CMSS1: variants seen among roughly 807,000 people sequenced by gnomAD.
The protein encoded by CMSS1 is cms1 ribosomal small subunit homolog, also known as protein CMSS1.
CMSS1 carries 33 observed loss-of-function variants against 43.5 expected under a neutral mutation model. That is an observed-to-expected ratio of 0.76 (90% CI 0.57 to 1.01). The LOEUF (loss-of-function observed/expected upper bound fraction) is 1.01, where lower values mean the gene tolerates loss of function less well. Ranked by LOEUF, CMSS1 falls within the 50% of genes least tolerant of loss-of-function variation. The pLI is 0.00. For synonymous variants in CMSS1, 115 were observed against 117.2 expected, an observed-to-expected ratio of 0.98 and a Z score of 0.12; for missense variants, 313 against 326.4, an observed-to-expected ratio of 0.96 and a Z score of 0.32.
intron 1 of CMSS1, among the ~76,000 whole-genome samples, chr3:99,869,844 TGA>T (rs1410597148): frequency 6.6e-6 from 1 of 152,202 alleles, no homozygotes; most frequent in African/African-American, 2.4e-5. Flanking sequence ...TGGTGGGCCA[TGA>T]GACACAATAA....
chr3:99,970,993 G>A (rs1182416909), intron 1 of CMSS1, among the ~76,000 whole-genome samples: 1 of 152,188 alleles, frequency 6.6e-6, no homozygotes, highest in Non-Finnish European at 1.5e-5. Context: ...AGGAGGGGCT[G>A]TATTCACAAG....
chr3:99,937,240 G>T (rs1707708082), intron 1 of CMSS1, among the ~76,000 whole-genome samples: 1 of 152,018 alleles, frequency 6.6e-6, no homozygotes, highest in African/African-American at 2.4e-5. Flanking sequence ...GCCCAGCCTA[G>T]CTTATTTTCA....
At chr3:99,984,936 A>C (rs944178711) in intron 1 of CMSS1, among the ~76,000 whole-genome samples, 1 of 152,218 alleles carries the variant, frequency 6.6e-6, no homozygotes, top group Non-Finnish European at 1.5e-5. Flanking sequence ...CCCAGGTTAA[A>C]TAAACTGAGG....
intron 1 of CMSS1, among the ~76,000 whole-genome samples, chr3:99,867,639 C>T (rs1944586730): frequency 6.6e-6 from 1 of 152,104 alleles, no homozygotes; most frequent in African/African-American, 2.4e-5. Flanking sequence ...AAGAGCAGTG[C>T]AATTTTGTCT....
intron 1 of CMSS1, among the ~76,000 whole-genome samples, chr3:100,090,906 A>G (rs939271321): frequency 1.3e-5 from 2 of 152,180 alleles, no homozygotes; most frequent in East Asian, 3.9e-4. Context: ...AAAACTTGAA[A>G]TGAGTGCAGA....
chr3:100,164,767 T>A (rs1404025502), intron 4 of CMSS1, among the ~76,000 whole-genome samples: 1 of 152,120 alleles, frequency 6.6e-6, no homozygotes, highest in African/African-American at 2.4e-5. Flanking sequence ...TCCCCTTATA[T>A]ATACACATAT....
intron 1 of CMSS1, among the ~76,000 whole-genome samples, chr3:99,922,058 C>T (rs951007323): frequency 3.9e-5 from 6 of 152,222 alleles, no homozygotes; most frequent in Non-Finnish European, 7.3e-5. Flanking sequence ...CACATTCCCA[C>T]CATAAATCTG....
intron 1 of CMSS1, among the ~76,000 whole-genome samples, chr3:100,097,577 T>C (rs1455795780): frequency 6.6e-6 from 1 of 152,212 alleles, no homozygotes. Context: ...TACAAGCCTA[T>C]ATATATACAT....
At chr3:100,054,876 G>A (rs545555710) in intron 1 of CMSS1, among the ~76,000 whole-genome samples, 9 of 152,170 alleles carry the variant, frequency 5.9e-5, no homozygotes, top group Admixed American at 1.3e-4. Flanking sequence ...GAAGTATGAG[G>A]TCATTTCAAA....
chr3:99,821,140 A>C (rs909257445), intron 1 of CMSS1, among the ~76,000 whole-genome samples: 4 of 152,212 alleles, frequency 2.6e-5, no homozygotes, highest in Non-Finnish European at 5.9e-5. Context: ...GGTATGTAAC[A>C]AAGTTTTCAT....
At chr3:100,044,888 C>G (rs2065255616) in intron 1 of CMSS1, among the ~76,000 whole-genome samples, 1 of 152,158 alleles carries the variant, frequency 6.6e-6, no homozygotes. Context: ...TAGTGGCTCT[C>G]TGCTTTGGTG....
intron 1 of CMSS1, among the ~76,000 whole-genome samples, chr3:99,983,962 G>T (rs1559714009): frequency 6.6e-6 from 1 of 151,532 alleles, no homozygotes; most frequent in Admixed American, 6.6e-5. Context: ...ATATAAATCA[G>T]TTACCTAACA....
chr3:99,877,201 A>G (rs889696144), intron 1 of CMSS1, among the ~76,000 whole-genome samples: 2 of 152,252 alleles, frequency 1.3e-5, no homozygotes, highest in Admixed American at 6.5e-5. Flanking sequence ...TGCAAGCTTC[A>G]GATGAGTAAT....
chr3:99,993,177 T>C (rs1244210128), intron 1 of CMSS1, among the ~76,000 whole-genome samples: 1 of 152,106 alleles, frequency 6.6e-6, no homozygotes, highest in East Asian at 1.9e-4. Flanking sequence ...TTTAGGATTG[T>C]TTTTTCTACT....
At chr3:100,093,419 A>C (rs1024977727) in intron 1 of CMSS1, among the ~76,000 whole-genome samples, 1 of 152,160 alleles carries the variant, frequency 6.6e-6, no homozygotes, top group Non-Finnish European at 1.5e-5. Context: ...ATATACTTAC[A>C]TTATTTTTCT....
At chr3:99,900,524 A>C (rs1706401229) in intron 1 of CMSS1, among the ~76,000 whole-genome samples, 1 of 152,212 alleles carries the variant, frequency 6.6e-6, no homozygotes, top group Non-Finnish European at 1.5e-5. Context: ...ACAAGATTTC[A>C]AACCAAGGAA....
intron 1 of CMSS1, among the ~76,000 whole-genome samples, chr3:100,049,378 AT>A (rs752035714): frequency 6.0e-4 from 91 of 152,178 alleles, no homozygotes; most frequent in Non-Finnish European, 1.2e-3. Flanking sequence ...TGAAGGATTA[AT>A]TTGGGGAGAG....
chr3:99,941,056 T>A (rs1022218040), intron 1 of CMSS1, among the ~76,000 whole-genome samples: 14 of 152,254 alleles, frequency 9.2e-5, no homozygotes, highest in African/African-American at 3.4e-4. Context: ...TTTAATAACT[T>A]CTTGCCTCTG....
chr3:100,035,700 T>G (rs985456410), intron 1 of CMSS1, among the ~76,000 whole-genome samples: 2 of 152,242 alleles, frequency 1.3e-5, no homozygotes, highest in Non-Finnish European at 2.9e-5. Context: ...ATAGGGGTAT[T>G]TCTTGATTAC....
Sources: gnomAD v4.1 joint callset for allele counts (sites outside exome capture counted in the v4.1 genomes callset) on GRCh38, gnomAD v4.1.1 for gene constraint, MANE v1.5 for transcripts, NCBI Gene and HGNC (gene_info 2026-07-23, HGNC 2026-07-21) for gene names.